The following RAB3C variants were observed in gnomAD, a reference collection of about 807,000 sequenced individuals.
The protein encoded by RAB3C is ras-related protein Rab-3C.
In RAB3C, 17 loss-of-function variants were observed where a neutral mutation model predicts 26.4. That is an observed-to-expected ratio of 0.64 (90% confidence interval 0.44 to 0.97). RAB3C has a LOEUF of 0.97. RAB3C is among the 50% of genes least tolerant of loss of function. RAB3C has a pLI of 0.00. For synonymous variants in RAB3C, 91 were observed against 95.9 expected (o/e 0.95, Z 0.30); for missense variants, 242 against 281.9 (o/e 0.86, Z 1.01).
intron 2 of RAB3C, among the ~76,000 whole-genome samples, chr5:58,694,169 A>G (rs158981): frequency 0.59 from 90,298 of 151,898 alleles, 27,213 homozygotes; most frequent in African/African-American, 0.67. Context: ...CCACCTATGA[A>G]TGAGAACATG....
At chr5:58,662,090 C>T (rs1018445617) in intron 2 of RAB3C, among the ~76,000 whole-genome samples, 1 of 149,792 alleles carries the variant, frequency 6.7e-6, no homozygotes, top group Non-Finnish European at 1.5e-5. Context: ...TCTTTTACAT[C>T]AGCTCTTGTG....
chr5:58,639,012 A>C (rs1331797123), intron 2 of RAB3C, among the ~76,000 whole-genome samples: 3 of 152,168 alleles, frequency 2.0e-5, no homozygotes, highest in African/African-American at 7.2e-5. Context: ...TACACTTGCA[A>C]GTGTGGCCTG....
intron 2 of RAB3C, among the ~76,000 whole-genome samples, chr5:58,714,660 T>A (rs1749131391): frequency 6.6e-6 from 1 of 152,100 alleles, no homozygotes; most frequent in Admixed American, 6.6e-5. Context: ...TAGGAATGGA[T>A]GACTGAAAAA....
intron 1 of RAB3C, among the ~76,000 whole-genome samples, chr5:58,596,259 G>A (rs1292546624): frequency 1.3e-5 from 2 of 151,928 alleles, no homozygotes; most frequent in East Asian, 1.9e-4. Flanking sequence ...GGTTCTGCCA[G>A]GCAAGAGTTC....
At chr5:58,583,959 A>G (rs1745960893) in intron 1 of RAB3C, among the ~76,000 whole-genome samples, 1 of 152,208 alleles carries the variant, frequency 6.6e-6, no homozygotes, top group Non-Finnish European at 1.5e-5. Context: ...ACCACTGCCT[A>G]AGCATCTTGC....
At chr5:58,625,084 G>A (rs755909457) in intron 2 of RAB3C, among the ~76,000 whole-genome samples, 1 of 152,194 alleles carries the variant, frequency 6.6e-6, no homozygotes, top group Non-Finnish European at 1.5e-5. Context: ...TAGACAAGAA[G>A]TGGCTAGCAG....
At chr5:58,588,802 G>C (rs1184789750) in intron 1 of RAB3C, among the ~76,000 whole-genome samples, 3 of 151,878 alleles carry the variant, frequency 2.0e-5, no homozygotes, top group Admixed American at 1.3e-4. Flanking sequence ...TTTATTTCTA[G>C]TTTTCTTTAA....
intron 1 of RAB3C, among the ~76,000 whole-genome samples, chr5:58,616,616 A>C (rs1046442569): frequency 2.6e-5 from 4 of 152,212 alleles, no homozygotes; most frequent in Admixed American, 6.6e-5. Context: ...TTTATGCTAG[A>C]TGCTTTACAT....
chr5:58,817,067 ACAGC>A (rs1311797490), intron 3 of RAB3C: 1 of 152,232 alleles, frequency 6.6e-6, no homozygotes, highest in African/African-American at 2.4e-5. Context: ...TCTGTTAATC[ACAGC>A]AGCACAGGTC....
intron 3 of RAB3C, among the ~76,000 whole-genome samples, chr5:58,801,418 G>A (rs1002064913): frequency 2.0e-5 from 3 of 152,318 alleles, no homozygotes; most frequent in South Asian, 2.1e-4. Flanking sequence ...TGTATGACAT[G>A]AGAACTGATG....
Position 58,732,194 on chromosome 5 carries a change from C to T in RAB3C, c.371+6074C>T, listed in dbSNP as rs563623141. On this transcript the variant is annotated intron_variant, in intron 3 of 4. Transcript: ENST00000282878. ...TATACATGTGCCATGAATTTTAAAGCTTAAGAAAATCCAAAGGGTCAAACG... is the reference window on the plus strand; with the variant it reads ...TATACATGTGCCATGAATTTTAAAGTTTAAGAAAATCCAAAGGGTCAAACG... Among the ~76,000 whole-genome samples the T allele has an allele frequency of 1.9e-4, 29 of 150,832 alleles. No homozygotes were observed. In the South Asian group the frequency reaches 4.8e-3, roughly 25 times the overall value.
intron 3 of RAB3C, chr5:58,823,317 C>T (rs1743390113): frequency 5.3e-6 from 1 of 189,646 alleles, no homozygotes; most frequent in Non-Finnish European, 1.1e-5. Context: ...CCCAGGAGTT[C>T]GAGACCAGCC....
At chr5:58,709,023 T>G (rs1749006754) in intron 2 of RAB3C, among the ~76,000 whole-genome samples, 1 of 152,204 alleles carries the variant, frequency 6.6e-6, no homozygotes, top group Admixed American at 6.5e-5. Context: ...CATAAATCAA[T>G]ATAGGTCCTT....
chr5:58,692,646 T>C (rs958137601), intron 2 of RAB3C, among the ~76,000 whole-genome samples: 3 of 151,902 alleles, frequency 2.0e-5, no homozygotes, highest in African/African-American at 7.3e-5. Flanking sequence ...CACCCCCAGA[T>C]AGTTCCCTAT....
intron 4 of RAB3C, among the ~76,000 whole-genome samples, chr5:58,844,527 C>T (rs180903396): frequency 1.3e-5 from 2 of 152,190 alleles, no homozygotes; most frequent in African/African-American, 4.8e-5. Flanking sequence ...AGAGGACGAG[C>T]TAATATGCCA....
intron 2 of RAB3C, among the ~76,000 whole-genome samples, chr5:58,674,454 G>C (rs1025457139): frequency 2.0e-5 from 3 of 152,184 alleles, no homozygotes; most frequent in Non-Finnish European, 4.4e-5. Flanking sequence ...ATGCCACTTG[G>C]AAAGTTTTTC....
intron 1 of RAB3C, among the ~76,000 whole-genome samples, chr5:58,610,507 G>GA (rs1313159525): frequency 2.0e-5 from 3 of 151,942 alleles, no homozygotes; most frequent in Admixed American, 2.0e-4. Context: ...TAACAATGTT[G>GA]AGTATGTTTT....
At chr5:58,668,828 C>A (rs1478703627) in intron 2 of RAB3C, among the ~76,000 whole-genome samples, 2 of 152,018 alleles carry the variant, frequency 1.3e-5, no homozygotes, top group Non-Finnish European at 2.9e-5. Context: ...CTGCCATAAT[C>A]AGTTTGGCTG....
chr5:58,728,412 G>A (rs377124601), intron 3 of RAB3C, among the ~76,000 whole-genome samples: 160 of 151,958 alleles, frequency 1.1e-3, no homozygotes, highest in African/African-American at 3.7e-3. Flanking sequence ...CCAATCTATT[G>A]CTCTTTTTTC....
Sources: gnomAD v4.1 joint callset for allele counts (sites outside exome capture counted in the v4.1 genomes callset) on GRCh38, gnomAD v4.1.1 for gene constraint, MANE v1.5 for transcripts, NCBI Gene and HGNC (gene_info 2026-07-23, HGNC 2026-07-21) for gene names.